The following ZBTB20 variants were observed in gnomAD, a reference collection of about 807,000 sequenced individuals.
ZBTB20 encodes zinc finger and BTB domain containing 20, also known as zinc finger and BTB domain-containing protein 20.
A neutral mutation model predicts 56.9 loss-of-function variants in ZBTB20; 9 were observed. That is an observed-to-expected ratio of 0.16 (90% confidence interval 0.10 to 0.28). The LOEUF (loss-of-function observed/expected upper bound fraction) is 0.28, where lower values mean the gene tolerates loss of function less well. ZBTB20 is among the 10% of genes least tolerant of loss of function. ZBTB20 has a pLI of 1.00. For synonymous variants in ZBTB20, 417 were observed against 420.7 expected (o/e 0.99, Z 0.11); for missense variants, 655 against 1,003.0 (o/e 0.65, Z 4.69).
At chr3:114,714,085 A>G (rs1196429189) in intron 5 of ZBTB20, 1 of 152,674 alleles carries the variant, frequency 6.5e-6, no homozygotes. Context: ...ACTCTAATAT[A>G]CTACTACTAT....
intron 5 of ZBTB20, among the ~76,000 whole-genome samples, chr3:114,713,678 T>C (rs1279769879): frequency 1.3e-5 from 2 of 152,200 alleles, no homozygotes; most frequent in African/African-American, 4.8e-5. Flanking sequence ...GCTTTGAACA[T>C]TGAAGGGTAA....
intron 5 of ZBTB20, among the ~76,000 whole-genome samples, chr3:114,727,019 T>G (rs542369574): frequency 6.8e-6 from 1 of 146,198 alleles, no homozygotes; most frequent in Non-Finnish European, 1.5e-5. Flanking sequence ...AAAGTCACCA[T>G]ATAATGGAAT....
At chr3:114,788,400 T>TTCTG (rs767168641) in intron 5 of ZBTB20, among the ~76,000 whole-genome samples, 7 of 152,176 alleles carry the variant, frequency 4.6e-5, no homozygotes, top group Non-Finnish European at 1.0e-4. Context: ...CTATTCTACT[T>TTCTG]TCTGTCTCTA....
At chr3:114,947,816 T>TA (rs2076934228) in intron 3 of ZBTB20, among the ~76,000 whole-genome samples, 1 of 145,180 alleles carries the variant, frequency 6.9e-6, no homozygotes, top group Non-Finnish European at 1.5e-5. Context: ...AAAGATAAAA[T>TA]AAAAAAGTCT....
At chr3:114,404,325 T>C (rs1477337816) in intron 7 of ZBTB20, among the ~76,000 whole-genome samples, 1 of 152,178 alleles carries the variant, frequency 6.6e-6, no homozygotes, top group Non-Finnish European at 1.5e-5. Flanking sequence ...GGGTTATTTC[T>C]ATATTTATGT....
chr3:114,483,159 T>G (rs1247483256), intron 7 of ZBTB20, among the ~76,000 whole-genome samples: 1 of 152,178 alleles, frequency 6.6e-6, no homozygotes, highest in African/African-American at 2.4e-5. Flanking sequence ...TATTTTTACT[T>G]TTCATATTTA....
intron 7 of ZBTB20, among the ~76,000 whole-genome samples, chr3:114,494,814 A>T (rs989178128): frequency 6.6e-6 from 1 of 152,208 alleles, no homozygotes; most frequent in Admixed American, 6.5e-5. Context: ...ACCTTTATAA[A>T]AATTTTGGTT....
At position 114,445,054 on chromosome 3, in the gene ZBTB20, C is replaced by T. The variant is rs560339386; in HGVS notation, c.-255+55298G>A. On this transcript the variant is annotated intron_variant, in intron 7 of 11. Transcript: ENST00000675478. The stretch of plus-strand genomic sequence containing the variant: ...ATACAGTGATTATGATGCTCTGATG[C>T]TGACATTTGCTTTGTCAACGCTTAA... Among the ~76,000 whole-genome samples the T allele has an allele frequency of 3.9e-5, 6 of 152,286 alleles. No homozygotes were observed. The South Asian group carries it at 1.2e-3, about 32-fold the overall frequency.
intron 4 of ZBTB20, among the ~76,000 whole-genome samples, chr3:114,872,094 A>G (rs895248260): frequency 6.6e-6 from 1 of 152,144 alleles, no homozygotes; most frequent in Non-Finnish European, 1.5e-5. Context: ...AAGCCTTCCC[A>G]ATATCTATTC....
intron 8 of ZBTB20, 75 bp from the exon 9 acceptor site, chr3:114,381,015 T>C: frequency 3.0e-6 from 1 of 335,292 alleles, no homozygotes; most frequent in Non-Finnish European, 5.4e-6. Flanking sequence ...ATGGACTACA[T>C]TAAGGAACAT....
intron 6 of ZBTB20, among the ~76,000 whole-genome samples, chr3:114,603,692 TAAGAGA>T (rs2056929225): frequency 6.6e-6 from 1 of 151,808 alleles, no homozygotes; most frequent in Admixed American, 6.6e-5. Flanking sequence ...AAGAAATACA[TAAGAGA>T]AAGACTAACA....
chr3:115,052,820 T>G (rs765027094), intron 2 of ZBTB20, among the ~76,000 whole-genome samples: 1 of 152,206 alleles, frequency 6.6e-6, no homozygotes, highest in Non-Finnish European at 1.5e-5. Flanking sequence ...TTTCAGAAGA[T>G]AAAATTATTC....
intron 8 of ZBTB20, chr3:114,388,639 A>G (rs111671305): frequency 1.8e-3 from 273 of 152,464 alleles, no homozygotes; most frequent in African/African-American, 6.3e-3. Flanking sequence ...AGAAATGACA[A>G]GCTACCATGA....
At chr3:114,440,816 C>CT (rs2090868801) in intron 7 of ZBTB20, among the ~76,000 whole-genome samples, 2 of 152,172 alleles carry the variant, frequency 1.3e-5, no homozygotes, top group African/African-American at 4.8e-5. Context: ...CATCAACACT[C>CT]TGCTATTCTC....
At chr3:115,035,150 A>C (rs1391994836) in intron 2 of ZBTB20, among the ~76,000 whole-genome samples, 1 of 152,144 alleles carries the variant, frequency 6.6e-6, no homozygotes, top group East Asian at 1.9e-4. Context: ...GCTTCATCAT[A>C]CTGGATTTGG....
At chr3:114,712,529 T>C (rs976813337) in intron 5 of ZBTB20, among the ~76,000 whole-genome samples, 2 of 151,752 alleles carry the variant, frequency 1.3e-5, no homozygotes, top group East Asian at 3.9e-4. Context: ...GGCGCATGCC[T>C]GTAATCCCAG....
intron 4 of ZBTB20, among the ~76,000 whole-genome samples, chr3:114,833,713 T>C (rs79821461): frequency 6.6e-6 from 1 of 151,194 alleles, no homozygotes; most frequent in Middle Eastern, 3.4e-3. Flanking sequence ...TTTTTTTTTT[T>C]TTTTGAGATA....
At chr3:114,395,059 A>G (rs1014645951) in intron 7 of ZBTB20, among the ~76,000 whole-genome samples, 1 of 152,156 alleles carries the variant, frequency 6.6e-6, no homozygotes. Context: ...TTAATTGTCT[A>G]ACAGCAATTC....
At chr3:114,681,680 C>T (rs1413288144) in intron 6 of ZBTB20, among the ~76,000 whole-genome samples, 1 of 152,192 alleles carries the variant, frequency 6.6e-6, no homozygotes, top group Non-Finnish European at 1.5e-5. Flanking sequence ...TTATTGAATA[C>T]TACTGTTCCT....
Sources: gnomAD v4.1 joint callset for allele counts (sites outside exome capture counted in the v4.1 genomes callset) on GRCh38, gnomAD v4.1.1 for gene constraint, MANE v1.5 for transcripts, NCBI Gene and HGNC (gene_info 2026-07-23, HGNC 2026-07-21) for gene names.